TRAPPC9: variants seen among roughly 807,000 people sequenced by gnomAD.
TRAPPC9 encodes IKK2 binding protein.
A neutral mutation model predicts 124.0 loss-of-function variants in TRAPPC9; 83 were observed. That is an observed-to-expected ratio of 0.67 (90% CI 0.56 to 0.80). The LOEUF is 0.80. Ranked by LOEUF, TRAPPC9 falls within the 30% of genes least tolerant of loss-of-function variation. The pLI, the probability that TRAPPC9 is intolerant of heterozygous loss-of-function variation, is 0.00. For synonymous variants in TRAPPC9, 638 were observed against 617.5 expected, an observed-to-expected ratio of 1.03 and a Z score of -0.49; for missense variants, 1,302 against 1,508.3, an observed-to-expected ratio of 0.86 and a Z score of 2.27.
intron 19 of TRAPPC9, among the ~76,000 whole-genome samples, chr8:139,934,960 G>C (rs1833418443): frequency 6.6e-6 from 1 of 152,316 alleles, no homozygotes; most frequent in African/African-American, 2.4e-5. Context: ...TCCCAGGCTT[G>C]TTGTGAGAAT....
intron 19 of TRAPPC9, among the ~76,000 whole-genome samples, chr8:139,971,083 C>A (rs1441029036): frequency 6.6e-6 from 1 of 152,090 alleles, no homozygotes; most frequent in East Asian, 1.9e-4. Context: ...ACCAATGGCA[C>A]CCCCAGGCCC....
chr8:140,125,356 C>A (rs1050684002), intron 17 of TRAPPC9, among the ~76,000 whole-genome samples: 1 of 152,160 alleles, frequency 6.6e-6, no homozygotes, highest in Admixed American at 6.5e-5. Context: ...CAGGAAGCAT[C>A]GACGAGAACC....
At chr8:139,774,667 A>G (rs1350502938) in intron 21 of TRAPPC9, among the ~76,000 whole-genome samples, 1 of 152,192 alleles carries the variant, frequency 6.6e-6, no homozygotes, top group Non-Finnish European at 1.5e-5. Context: ...GGTGCTCCAC[A>G]ACATTTCCCG....
In TRAPPC9 at chr8:140,182,469, T is replaced by A. The variant is rs2062226153; in HGVS notation, c.2556+38990A>T. Among the ~76,000 whole-genome samples, 1 of 152,176 alleles carries A rather than the reference T, an allele frequency of 6.6e-6. No homozygotes were observed. The highest frequency in any genetic ancestry group is 1.5e-5 in the Non-Finnish European group (1 of 68,030). On this transcript the variant is annotated intron_variant, in intron 17 of 22. Transcript: ENST00000438773. This position sits in a 1 kb window ranked among gnomAD's most constrained non-coding sequence, Gnocchi z 4.0. ...GATAGACAGAAAACAGCTTCACTACTGATACATTAGTGTCTGCTAATTCTG... is the reference window on the plus strand; with the variant it reads ...GATAGACAGAAAACAGCTTCACTACAGATACATTAGTGTCTGCTAATTCTG...
chr8:139,957,253 C>T (rs1328695926), intron 19 of TRAPPC9, among the ~76,000 whole-genome samples: 5 of 152,232 alleles, frequency 3.3e-5, no homozygotes, highest in South Asian at 2.1e-4. Context: ...GCAGGGAGGG[C>T]CGCGTACCTG....
At chr8:140,201,639 A>C (rs2062792341) in intron 17 of TRAPPC9, among the ~76,000 whole-genome samples, 1 of 152,240 alleles carries the variant, frequency 6.6e-6, no homozygotes, top group African/African-American at 2.4e-5. Flanking sequence ...ATGTTTTGTC[A>C]GATGATAGGT....
chr8:139,922,346 G>A (rs987474596), intron 19 of TRAPPC9, among the ~76,000 whole-genome samples: 1 of 152,162 alleles, frequency 6.6e-6, no homozygotes, highest in African/African-American at 2.4e-5. Context: ...ACCACACCCG[G>A]CTACTTTTTG....
At chr8:140,424,605 A>T (rs77460757) in intron 5 of TRAPPC9, among the ~76,000 whole-genome samples, 5,392 of 150,626 alleles carry the variant, frequency 0.036, 271 homozygotes, top group African/African-American at 0.11. Flanking sequence ...TAGCCACTGC[A>T]CTCCAGCCTT....
chr8:140,231,865 C>G (rs1224046401), intron 16 of TRAPPC9, among the ~76,000 whole-genome samples: 6 of 152,144 alleles, frequency 3.9e-5, no homozygotes, highest in Non-Finnish European at 7.4e-5. Context: ...ATTATTCCCA[C>G]AGAAAAGTCT....
At chr8:140,169,781 A>G (rs2061929860) in intron 17 of TRAPPC9, among the ~76,000 whole-genome samples, 1 of 152,138 alleles carries the variant, frequency 6.6e-6, no homozygotes, top group East Asian at 1.9e-4. Context: ...ATCGGCTGCT[A>G]GATGGGTATA....
intron 21 of TRAPPC9, among the ~76,000 whole-genome samples, chr8:139,782,818 T>C (rs1821928626): frequency 6.6e-6 from 1 of 152,208 alleles, no homozygotes; most frequent in South Asian, 2.1e-4. Flanking sequence ...GACTAGAAGT[T>C]TAAAAGGATT....
At chr8:140,289,174 AGTGT>A (rs71320349) in intron 12 of TRAPPC9, among the ~76,000 whole-genome samples, 8,246 of 148,290 alleles carry the variant, frequency 0.056, 265 homozygotes, top group African/African-American at 0.084. Context: ...ATATATATAT[AGTGT>A]GTGTGTGTGT....
At chr8:140,405,026 T>C (rs1453655132) in intron 6 of TRAPPC9, among the ~76,000 whole-genome samples, 2 of 151,512 alleles carry the variant, frequency 1.3e-5, no homozygotes, top group East Asian at 3.9e-4. Flanking sequence ...GTAGAGGAGG[T>C]AGAGGACTTT....
At chr8:139,934,436 A>G (rs962277488) in intron 19 of TRAPPC9, among the ~76,000 whole-genome samples, 4 of 152,214 alleles carry the variant, frequency 2.6e-5, no homozygotes, top group African/African-American at 7.2e-5. Context: ...TGCACAGACA[A>G]TGGAAAACCT....
chr8:139,955,469 G>A (rs1391184310), intron 19 of TRAPPC9, among the ~76,000 whole-genome samples: 13 of 151,982 alleles, frequency 8.6e-5, no homozygotes. Context: ...ATCAACACGT[G>A]AAGCAAATAC....
At chr8:139,989,993 C>A (rs1837521975) in intron 18 of TRAPPC9, among the ~76,000 whole-genome samples, 2 of 152,288 alleles carry the variant, frequency 1.3e-5, no homozygotes, top group Admixed American at 1.3e-4. Flanking sequence ...AGAGGCCATT[C>A]TTCTTGGAAG....
chr8:140,011,501 C>CT (rs916485762), intron 18 of TRAPPC9, among the ~76,000 whole-genome samples: 9,213 of 114,592 alleles, frequency 0.08, 1,817 homozygotes, highest in African/African-American at 0.26. Context: ...AGAAGGCATA[C>CT]TTTTTTTTTT....
At chr8:140,440,368 G>A (rs1160702768) in intron 2 of TRAPPC9, among the ~76,000 whole-genome samples, 3 of 152,068 alleles carry the variant, frequency 2.0e-5, no homozygotes, top group South Asian at 2.1e-4. Context: ...TTAGCCGGGC[G>A]TGGTGGCACG....
chr8:139,844,985 C>T (rs752148568), intron 21 of TRAPPC9, among the ~76,000 whole-genome samples: 8 of 152,144 alleles, frequency 5.3e-5, no homozygotes, highest in Non-Finnish European at 1.0e-4. Context: ...ACTGGGCCAT[C>T]AGTACCACAT....
Sources: allele counts gnomAD v4.1 joint callset (sites outside exome capture counted in the v4.1 genomes callset), GRCh38; gene constraint gnomAD v4.1.1; non-coding constraint Gnocchi (gnomAD v3.1); transcripts MANE v1.5; gene names NCBI Gene and HGNC (gene_info 2026-07-23, HGNC 2026-07-21).